Variants in CPZ observed in about 807,000 individuals in gnomAD.
CPZ encodes carboxypeptidase Z.
A neutral mutation model predicts 61.8 loss-of-function variants in CPZ; 103 were observed. That is an observed-to-expected ratio of 1.67 (90% CI 1.42 to 1.96). The LOEUF (loss-of-function observed/expected upper bound fraction) is 1.96, where lower values mean the gene tolerates loss of function less well. Among genes scored for constraint, CPZ ranks in the 30% most tolerant of loss-of-function variants. The pLI is 0.00. For synonymous variants in CPZ, 551 were observed against 373.7 expected (o/e 1.47, Z -5.47); for missense variants, 1,461 against 914.9 (o/e 1.60, Z -7.70).
chr4:8,605,939 G>A (rs374128411), intron 4 of CPZ, 50 bp from the exon 5 acceptor site: 2 of 1,574,784 alleles, frequency 1.3e-6, no homozygotes, highest in Non-Finnish European at 1.7e-6. Context: ...CATGCCTTTG[G>A]GGACCCCCGG....
At chr4:8,613,634 T>C (rs1162635351) in intron 8 of CPZ, among the ~76,000 whole-genome samples, 2 of 152,136 alleles carry the variant, frequency 1.3e-5, no homozygotes, top group African/African-American at 4.8e-5. Context: ...GCCCTGTGGG[T>C]GCTATCATCC....
intron 4 of CPZ, among the ~76,000 whole-genome samples, chr4:8,605,345 T>TCCATCCATCCATC (rs779420586): frequency 6.7e-6 from 1 of 149,526 alleles, no homozygotes; most frequent in African/African-American, 2.5e-5. Context: ...CATCCATCCA[T>TCCATCCATCCATC]CCATTTATTC....
At chr4:8,595,045 T>G (rs989056392) in intron 1 of CPZ, among the ~76,000 whole-genome samples, 1 of 152,230 alleles carries the variant, frequency 6.6e-6, no homozygotes, top group Non-Finnish European at 1.5e-5. Flanking sequence ...GTGCTGGGAT[T>G]ACAGGCGTGA....
chr4:8,593,948 C>T (rs1713983926), intron 1 of CPZ, among the ~76,000 whole-genome samples: 1 of 152,154 alleles, frequency 6.6e-6, no homozygotes, highest in African/African-American at 2.4e-5. Context: ...TGTGGGTGGG[C>T]CTCCCCTTGG....
chr4:8,601,468 G>A lies in CPZ; in HGVS notation c.467G>A (p.Gly156Asp), dbSNP rs1236843311. ...CGCTACTTCACGAGAGAGGACGAGG[G>A]CTGCTATGACCCGCTGGAGAAGCTT... ...CHRYFTREDE[G>D]CYDPLEKLRG... Residue 156 changes from glycine to aspartate, a missense_variant, in exon 3 of 11, where the codon GGC (glycine) becomes GAC (aspartate). Physicochemically the swap from Gly to Asp is moderately conservative, Grantham distance 94. Transcript: ENST00000360986. 2.0e-6 allele frequency: 3 copies of A among 1,513,512 alleles called. No homozygotes were observed. Among genetic ancestry groups the A allele is most frequent in the Non-Finnish European group, 2.7e-6 (3 of 1,129,324 alleles). The allele number at this position is 1,513,512 out of a possible 1,614,324, so 93.8% of individuals were successfully genotyped here. A position where few individuals can be genotyped will look rare whatever the true frequency, so the allele number is the denominator to read the frequency against.
chr4:8,613,608 G>C (rs1715902093), intron 8 of CPZ, among the ~76,000 whole-genome samples: 1 of 152,194 alleles, frequency 6.6e-6, no homozygotes, highest in Non-Finnish European at 1.5e-5. Flanking sequence ...GCTCCCTGTG[G>C]CCCCCGACAC....
chr4:8,606,830 C>A lies in CPZ; in HGVS notation c.1000C>A (p.Arg334=), dbSNP rs774952136. The change falls in exon 6 of 11, where the codon CGG becomes AGG. Residue 334 remains arginine, a synonymous_variant. Coordinates refer to ENST00000360986, the MANE Select transcript of CPZ (RefSeq NM_001014447.3). ...CCCGGACCTGACGTCCGAGTACTAC[C>A]GGCTGGCGGAGACCCGCGGCGCACG... ...NFPDLTSEYY[R]LAETRGARSD... 3.1e-6 allele frequency: 5 copies of A among 1,613,884 alleles called. No individual in the cohort carries two copies. The Admixed American group carries it at 8.3e-5, about 27-fold the overall frequency.
intron 1 of CPZ, among the ~76,000 whole-genome samples, chr4:8,594,695 C>T (rs568632118): frequency 9.9e-4 from 151 of 152,296 alleles, no homozygotes; most frequent in Middle Eastern, 6.8e-3. Context: ...CAAAGCCATC[C>T]ACGCACAGAA....
Position 8,599,453 on chromosome 4 carries a change from G to C in CPZ, c.89G>C (p.Gly30Ala), listed in dbSNP as rs1025230105. ...AACAGTGCCATGTCTCTCTTTCCAG[G>C]TGAATGCCACAGGCCACCAGCTGCA... ...PGCEFERNPA[G>A]ECHRPPAADS... Residue 30 changes from glycine to alanine, a missense_variant and splice_region_variant, in exon 2 of 11, where the codon GGT becomes GCT. By Grantham distance (60) the Gly-to-Ala change is moderately conservative. Transcript: ENST00000360986. 3.4e-5 allele frequency: 55 copies of C among 1,610,430 alleles called. No individual in the cohort carries two copies. The highest frequency in any genetic ancestry group is 4.5e-5 in the Non-Finnish European group (53 of 1,177,874).
At chr4:8,598,329 C>T (rs961906117) in intron 1 of CPZ, among the ~76,000 whole-genome samples, 2 of 152,206 alleles carry the variant, frequency 1.3e-5, no homozygotes, top group Admixed American at 1.3e-4. Flanking sequence ...GTCTCTCTGA[C>T]CTTTGGAGAG....
chr4:8,593,994 C>T (rs1713986753), intron 1 of CPZ, among the ~76,000 whole-genome samples: 1 of 152,138 alleles, frequency 6.6e-6, no homozygotes, highest in South Asian at 2.1e-4. Context: ...GAATCATAGG[C>T]TTGTTGGAGA....
At chr4:8,595,425 G>C (rs1714107095) in intron 1 of CPZ, among the ~76,000 whole-genome samples, 1 of 152,250 alleles carries the variant, frequency 6.6e-6, no homozygotes, top group Admixed American at 6.5e-5. Context: ...TCCTGGCTTT[G>C]CTCTGTGGCT....
chr4:8,597,138 C>T (rs553421449), intron 1 of CPZ, among the ~76,000 whole-genome samples: 4 of 152,262 alleles, frequency 2.6e-5, no homozygotes, highest in African/African-American at 7.2e-5. Context: ...GATGAGACCA[C>T]GGGTCAGCTG....
intron 4 of CPZ, 76 bp from the exon 5 acceptor site, chr4:8,605,913 C>G: frequency 1.4e-6 from 2 of 1,448,686 alleles, no homozygotes; most frequent in Non-Finnish European, 1.9e-6. Flanking sequence ...GTCATTCTTG[C>G]TGAGTGGGGG....
intron 5 of CPZ, among the ~76,000 whole-genome samples, chr4:8,606,491 C>T (rs1289293378): frequency 1.3e-5 from 2 of 152,078 alleles, no homozygotes; most frequent in East Asian, 3.9e-4. Context: ...ACGAGCAGAG[C>T]AGGTGACTGT....
At chr4:8,609,072 C>CACTCACCCATT (rs113012911) in intron 7 of CPZ, among the ~76,000 whole-genome samples, 1 of 112,338 alleles carries the variant, frequency 8.9e-6, no homozygotes, top group Admixed American at 8.3e-5. Flanking sequence ...CCCTCACTCA[C>CACTCACCCATT]CACTCATACA....
chr4:8,611,941 C>A (rs1227301375), intron 7 of CPZ, 86 bp from the exon 8 acceptor site: 1 of 1,589,076 alleles, frequency 6.3e-7, no homozygotes. Context: ...GGTGTTTGCA[C>A]GCGCAGCTCC....
intron 2 of CPZ, chr4:8,599,793 C>A: frequency 4.6e-6 from 2 of 430,412 alleles, no homozygotes; most frequent in Non-Finnish European, 7.9e-6. Flanking sequence ...GCCTTGTCCA[C>A]ATGCATTTCA....
chr4:8,609,851 G>A (rs1715504331), intron 7 of CPZ, among the ~76,000 whole-genome samples: 1 of 152,356 alleles, frequency 6.6e-6, no homozygotes, highest in South Asian at 2.1e-4. Context: ...GGTCCCAGGA[G>A]AGGCCTGGGT....
Sources: allele counts gnomAD v4.1 joint callset (sites outside exome capture counted in the v4.1 genomes callset), GRCh38; gene constraint gnomAD v4.1.1; transcripts MANE v1.5; gene names NCBI Gene and HGNC (gene_info 2026-07-23, HGNC 2026-07-21).